Variants in MYLK4 observed in about 807,000 individuals in gnomAD.
The protein encoded by MYLK4 is myosin light chain kinase family member 4.
MYLK4 carries 46 observed loss-of-function variants against 48.1 expected under a neutral mutation model. That is an observed-to-expected ratio of 0.96 (90% confidence interval 0.75 to 1.22). MYLK4 has a LOEUF of 1.22. MYLK4 is among the 50% of genes most tolerant of loss of function. The pLI, the probability that MYLK4 is intolerant of heterozygous loss-of-function variation, is 0.00. For missense variants in MYLK4, 451 were observed against 486.1 expected, an observed-to-expected ratio of 0.93 and a Z score of 0.68; for synonymous variants, 170 against 180.8, an observed-to-expected ratio of 0.94 and a Z score of 0.48.
the MYLK4 span, among the ~76,000 whole-genome samples, chr6:2,762,737 C>T: frequency 2.0e-5 from 3 of 152,196 alleles, no homozygotes; most frequent in African/African-American, 7.2e-5. Flanking sequence ...AAACACAGTG[C>T]AGAGTTTCTT....
At chr6:2,680,424 C>T (rs1245339009) in intron 7 of MYLK4, 133 bp from the exon 8 acceptor site, 15 of 1,522,562 alleles carry the variant, frequency 9.9e-6, no homozygotes, top group East Asian at 4.6e-5. Context: ...CGGGCTTGTC[C>T]GTGTGGGTAC....
chr6:2,766,231 T>A, the MYLK4 span: 1 of 1,478,980 alleles, frequency 6.8e-7, no homozygotes, highest in South Asian at 1.3e-5. Context: ...TCGGGGCCAG[T>A]GGCGGGGGCC....
chr6:2,769,093 G>T, the MYLK4 span, among the ~76,000 whole-genome samples: 2 of 152,142 alleles, frequency 1.3e-5, no homozygotes, highest in African/African-American at 4.8e-5. Context: ...AAATGAAATG[G>T]TTGGCATATC....
intron 2 of MYLK4, among the ~76,000 whole-genome samples, chr6:2,727,673 T>C (rs1238057488): frequency 2.0e-5 from 3 of 152,054 alleles, no homozygotes; most frequent in Non-Finnish European, 4.4e-5. Context: ...TTATTAATAA[T>C]AGCTATCATT....
intron 2 of MYLK4, among the ~76,000 whole-genome samples, chr6:2,703,829 C>T (rs1278418786): frequency 6.6e-6 from 1 of 151,978 alleles, no homozygotes; most frequent in Non-Finnish European, 1.5e-5. Context: ...TGCCACCACG[C>T]CCACCTAATT....
chr6:2,733,627 C>T lies in MYLK4; in HGVS notation c.159+15509G>A, dbSNP rs146567193. ...AGCTCAAATGTTTTAAAATTTAATACGTTTTTTATTATAAGGTCTAACCAA... is the reference window on the plus strand; with the variant it reads ...AGCTCAAATGTTTTAAAATTTAATATGTTTTTTATTATAAGGTCTAACCAA... On this transcript the variant is annotated intron_variant, in intron 2 of 12. Coordinates refer to ENST00000274643, the MANE Select transcript of MYLK4 (RefSeq NM_001012418.5). 6.1e-3 allele frequency among the ~76,000 whole-genome samples: 927 copies of T among 152,240 alleles called. 8 individuals carry two copies. Among genetic ancestry groups the T allele is most frequent in the African/African-American group, 0.021 (871 of 41,536 alleles).
At chr6:2,733,488 T>A (rs1252886610) in intron 2 of MYLK4, among the ~76,000 whole-genome samples, 3 of 152,088 alleles carry the variant, frequency 2.0e-5, no homozygotes, top group African/African-American at 7.2e-5. Flanking sequence ...TCACTCAGAA[T>A]GAGGAACCAC....
At chr6:2,708,782 T>G (rs1762577403) in intron 2 of MYLK4, among the ~76,000 whole-genome samples, 1 of 152,228 alleles carries the variant, frequency 6.6e-6, no homozygotes, top group African/African-American at 2.4e-5. Context: ...CCTGGGTTCA[T>G]CTTCTGCCTT....
chr6:2,682,955 C>T (rs1326841367), intron 7 of MYLK4, 66 bp downstream of exon 7: 2 of 1,577,648 alleles, frequency 1.3e-6, no homozygotes, highest in Admixed American at 1.7e-5. Flanking sequence ...CATATAATAG[C>T]AGACAGGGCC....
At chr6:2,705,299 C>G (rs1177957825) in intron 2 of MYLK4, among the ~76,000 whole-genome samples, 2 of 152,202 alleles carry the variant, frequency 1.3e-5, no homozygotes, top group African/African-American at 4.8e-5. Flanking sequence ...TGAGGACTTT[C>G]TCAACAAAGT....
At chr6:2,741,808 T>C (rs1251911416) in intron 2 of MYLK4, among the ~76,000 whole-genome samples, 1 of 152,240 alleles carries the variant, frequency 6.6e-6, no homozygotes, top group East Asian at 1.9e-4. Context: ...ATACTCCTAA[T>C]TAACTCACAC....
the MYLK4 span, among the ~76,000 whole-genome samples, chr6:2,759,720 A>T: frequency 6.6e-6 from 1 of 152,210 alleles, no homozygotes; most frequent in Admixed American, 6.5e-5. Context: ...CTTTCCCCTC[A>T]TCAATGATGT....
chr6:2,725,631 G>C (rs1313264246), intron 2 of MYLK4, among the ~76,000 whole-genome samples: 1 of 142,426 alleles, frequency 7.0e-6, no homozygotes, highest in East Asian at 2.0e-4. Flanking sequence ...AAGAAGGAAA[G>C]AAAGAAAGAA....
chr6:2,765,431 C>T, the MYLK4 span: 9 of 579,786 alleles, frequency 1.6e-5, no homozygotes, highest in South Asian at 7.8e-5. Context: ...TGCCAGCGGC[C>T]GGCCGAGGGC....
At chr6:2,679,533 G>A in intron 8 of MYLK4, 125 bp from the exon 9 acceptor site, 1 of 1,228,432 alleles carries the variant, frequency 8.1e-7, no homozygotes, top group South Asian at 1.2e-5. Context: ...AACAAACATT[G>A]AAGGAAATCA....
At position 2,685,252 on chromosome 6, in the gene MYLK4, A is replaced by C. The variant is rs1401019659; in HGVS notation, c.545+44T>G. ...CTACTGAGGCACGGTCACGGTCATG[A>C]GTGCCCTTGGGGAGGTCAGGGAGGG... On this transcript the variant is annotated intron_variant, in intron 6 of 12. Coordinates refer to ENST00000274643, the MANE Select transcript of MYLK4 (RefSeq NM_001012418.5). The surrounding 1 kb of genome is among the most constrained non-coding windows in gnomAD (Gnocchi z 4.5). The C allele has an allele frequency of 8.4e-6, 12 of 1,429,672 alleles. No homozygotes were observed. The highest frequency in any genetic ancestry group is 4.2e-5 in the African/African-American group (3 of 71,366). The allele number at this position is 1,429,672 out of a possible 1,614,324, so 88.6% of individuals were successfully genotyped here. A position where few individuals can be genotyped will look rare whatever the true frequency, so the allele number is the denominator to read the frequency against.
chr6:2,756,832 T>C, the MYLK4 span, among the ~76,000 whole-genome samples: 2,991 of 152,348 alleles, frequency 0.02, 98 homozygotes, highest in African/African-American at 0.068. Flanking sequence ...AAAAATCCCA[T>C]GCTACAGCAT....
At chr6:2,770,210 C>G in the MYLK4 span, 2 of 1,614,226 alleles carry the variant, frequency 1.2e-6, no homozygotes, top group Non-Finnish European at 1.7e-6. Context: ...CGCTGCTCTT[C>G]TGAGCCGCTG....
chr6:2,668,526 T>C (rs1760751331), intron 12 of MYLK4, among the ~76,000 whole-genome samples: 1 of 152,214 alleles, frequency 6.6e-6, no homozygotes, highest in African/African-American at 2.4e-5. Context: ...GTTGACATTG[T>C]GAATTATGCC....
Sources: gnomAD v4.1 joint callset for allele counts (sites outside exome capture counted in the v4.1 genomes callset) on GRCh38, gnomAD v4.1.1 for gene constraint, Gnocchi (gnomAD v3.1) non-coding constraint, MANE v1.5 for transcripts, NCBI Gene and HGNC (gene_info 2026-07-23, HGNC 2026-07-21) for gene names.